Variants in MCTP1 observed in about 807,000 individuals in gnomAD.
MCTP1 encodes multiple C2 and transmembrane domain-containing protein 1.
A neutral mutation model predicts 120.6 loss-of-function variants in MCTP1; 69 were observed. That is an observed-to-expected ratio of 0.57 (90% CI 0.47 to 0.70). The LOEUF (loss-of-function observed/expected upper bound fraction) is 0.70, where lower values mean the gene tolerates loss of function less well. MCTP1 is among the 30% of genes least tolerant of loss of function. MCTP1 has a pLI of 0.00. For missense variants in MCTP1, 1,203 were observed against 1,248.8 expected, an observed-to-expected ratio of 0.96 and a Z score of 0.55; for synonymous variants, 529 against 493.1, an observed-to-expected ratio of 1.07 and a Z score of -0.96.
chr5:94,762,911 T>G (rs1273966847), intron 19 of MCTP1, among the ~76,000 whole-genome samples: 2 of 152,204 alleles, frequency 1.3e-5, no homozygotes, highest in Non-Finnish European at 2.9e-5. Context: ...ATAGAGTTAT[T>G]GTGAATATTA....
chr5:94,845,283 C>T (rs1160705500), intron 17 of MCTP1, among the ~76,000 whole-genome samples: 1 of 152,200 alleles, frequency 6.6e-6, no homozygotes, highest in Non-Finnish European at 1.5e-5. Context: ...AGCAACGTCA[C>T]ATCTTACGTG....
chr5:95,144,523 G>A (rs1760212525), intron 1 of MCTP1, among the ~76,000 whole-genome samples: 1 of 152,072 alleles, frequency 6.6e-6, no homozygotes, highest in Admixed American at 6.6e-5. Context: ...GTTTTTTACA[G>A]TTTGAGGTCT....
In MCTP1 at chr5:95,135,649, C is replaced by G. The variant is rs189657706; in HGVS notation, c.721-118165G>C. 1.2e-4 allele frequency among the ~76,000 whole-genome samples: 18 copies of G among 152,302 alleles called. No individual in the cohort carries two copies. The East Asian group carries it at 2.9e-3, about 24-fold the overall frequency. On this transcript the variant is annotated intron_variant, in intron 1 of 22. Transcript: ENST00000515393. The stretch of plus-strand genomic sequence containing the variant: ...TTTCTCCCGTGTTGGATGCTTCCTG[C>G]CCTCAAACATCATTCTCCAAGTTCT...
At chr5:94,721,487 A>G (rs1187717960) in intron 19 of MCTP1, among the ~76,000 whole-genome samples, 6 of 152,196 alleles carry the variant, frequency 3.9e-5, no homozygotes, top group Non-Finnish European at 1.5e-5. Flanking sequence ...CTCAACTGCC[A>G]AAAGACAAAA....
At position 94,916,027 on chromosome 5, in the gene MCTP1, A is replaced by T. The variant is rs1374112607; in HGVS notation, c.1350+1869T>A. The stretch of plus-strand genomic sequence containing the variant: ...AAGGCTAAGAAGAAGAAATTTAAAA[A>T]GTTTCAAAGATATTCTATTCAGATA... On this transcript the variant is annotated intron_variant, in intron 8 of 22. Transcript: ENST00000515393. Among the ~76,000 whole-genome samples, 4 of 152,166 alleles carry T rather than the reference A, an allele frequency of 2.6e-5. No homozygotes were observed. In the East Asian group the frequency reaches 7.7e-4, roughly 29 times the overall value.
At chr5:94,891,958 A>G (rs549996814) in intron 11 of MCTP1, among the ~76,000 whole-genome samples, 91 of 152,202 alleles carry the variant, frequency 6.0e-4, no homozygotes, top group African/African-American at 2.2e-3. Context: ...CCCTCAATAG[A>G]TGGGAAAAGA....
chr5:95,277,489 C>T (rs2152741605), intron 1 of MCTP1, among the ~76,000 whole-genome samples: 1 of 152,298 alleles, frequency 6.6e-6, no homozygotes, highest in Admixed American at 6.5e-5. Flanking sequence ...GAAGCTTTTC[C>T]AGAGGTCTTA....
At chr5:94,923,064 T>C (rs1812111345) in intron 7 of MCTP1, among the ~76,000 whole-genome samples, 1 of 149,360 alleles carries the variant, frequency 6.7e-6, no homozygotes, top group Admixed American at 6.7e-5. Context: ...AAATGTGGCG[T>C]ATACTTGCTC....
At chr5:94,805,971 T>C (rs1702420744) in intron 17 of MCTP1, among the ~76,000 whole-genome samples, 1 of 151,564 alleles carries the variant, frequency 6.6e-6, no homozygotes, top group African/African-American at 2.4e-5. Flanking sequence ...TTTTCTTCTC[T>C]TCCCCCTTCC....
intron 1 of MCTP1, among the ~76,000 whole-genome samples, chr5:95,098,061 G>A (rs1229157010): frequency 2.6e-5 from 4 of 152,058 alleles, no homozygotes; most frequent in Non-Finnish European, 2.9e-5. Context: ...ATCTTTCAAC[G>A]TGTTTTTGTT....
intron 1 of MCTP1, among the ~76,000 whole-genome samples, chr5:95,162,995 G>A (rs1745917635): frequency 6.6e-6 from 1 of 152,136 alleles, no homozygotes; most frequent in African/African-American, 2.4e-5. Flanking sequence ...ACAAGTCCGT[G>A]TGATGCAGAC....
At chr5:95,083,386 C>G (rs1755163058) in intron 1 of MCTP1, among the ~76,000 whole-genome samples, 1 of 152,116 alleles carries the variant, frequency 6.6e-6, no homozygotes, top group African/African-American at 2.4e-5. Context: ...ACACTTTAAT[C>G]CCAGTGATGT....
At chr5:94,729,121 G>C (rs961428623) in intron 19 of MCTP1, among the ~76,000 whole-genome samples, 4 of 152,172 alleles carry the variant, frequency 2.6e-5, no homozygotes, top group African/African-American at 9.6e-5. Context: ...ATAAAACTCT[G>C]TAGTTGAGAA....
chr5:95,090,984 T>C (rs555833826), intron 1 of MCTP1, among the ~76,000 whole-genome samples: 1 of 152,340 alleles, frequency 6.6e-6, no homozygotes, highest in East Asian at 1.9e-4. Context: ...CTAATACAAA[T>C]GTAGCCCCTG....
chr5:94,800,114 C>T (rs194256), intron 17 of MCTP1, among the ~76,000 whole-genome samples: 131,419 of 152,176 alleles, frequency 0.86, 57,057 homozygotes, highest in African/African-American at 0.92. Flanking sequence ...AAAATGGGGA[C>T]GATAGGATTA....
At chr5:94,765,220 C>CA (rs140370896) in intron 19 of MCTP1, among the ~76,000 whole-genome samples, 209 of 147,416 alleles carry the variant, frequency 1.4e-3, no homozygotes, top group Non-Finnish European at 2.3e-3. Context: ...CACAACATGC[C>CA]AAAACCTATG....
chr5:94,970,623 C>T (rs1826601250), intron 2 of MCTP1, among the ~76,000 whole-genome samples: 1 of 152,006 alleles, frequency 6.6e-6, no homozygotes, highest in Non-Finnish European at 1.5e-5. Flanking sequence ...TGGTAATTGA[C>T]TCAGTGACTC....
At chr5:94,989,511 AT>A (rs1831102235) in intron 2 of MCTP1, among the ~76,000 whole-genome samples, 1 of 152,106 alleles carries the variant, frequency 6.6e-6, no homozygotes, top group African/African-American at 2.4e-5. Context: ...AATCCTTGTA[AT>A]TTCTTGAGCG....
At chr5:94,920,957 C>T (rs1811515290) in intron 7 of MCTP1, among the ~76,000 whole-genome samples, 1 of 151,948 alleles carries the variant, frequency 6.6e-6, no homozygotes, top group Non-Finnish European at 1.5e-5. Flanking sequence ...TATGAAGTAT[C>T]TTGGCACGTT....
Sources: allele counts gnomAD v4.1 joint callset (sites outside exome capture counted in the v4.1 genomes callset), GRCh38; gene constraint gnomAD v4.1.1; transcripts MANE v1.5; gene names NCBI Gene and HGNC (gene_info 2026-07-23, HGNC 2026-07-21).